Variants in NAV2 observed in about 807,000 individuals in gnomAD.
NAV2 encodes helicase, APC down-regulated 1.
In NAV2, 54 loss-of-function variants were observed where a neutral mutation model predicts 223.2. The ratio of observed to expected loss-of-function variants is 0.24; its 90% CI spans 0.19 to 0.30. The LOEUF (loss-of-function observed/expected upper bound fraction) is 0.30. Ranked by LOEUF, NAV2 falls within the 10% of genes least tolerant of loss-of-function variation. NAV2 has a pLI of 1.00. For missense variants in NAV2, 2,806 were observed against 3,147.5 expected (o/e 0.89, Z 2.60); for synonymous variants, 1,279 against 1,239.3 (o/e 1.03, Z -0.67).
rs569886576 is a variant in NAV2 at position 19,605,106 on chromosome 11, G to T, written c.76-227378G>T. On this transcript the variant is annotated intron_variant, in intron 1 of 37. Transcript: ENST00000360655. ...TCCAGTTGGTGAATTGCAGAGCTAGGATTGAGCCCACACAGCCTTTGTCCA... is the reference window on the plus strand; with the variant it reads ...TCCAGTTGGTGAATTGCAGAGCTAGTATTGAGCCCACACAGCCTTTGTCCA... Among the ~76,000 whole-genome samples, 3 of 152,302 alleles carry T rather than the reference G, an allele frequency of 2.0e-5. No homozygotes were observed. In the South Asian group the frequency reaches 6.2e-4, roughly 32 times the overall value.
At chr11:19,372,499 A>G (rs1312660293) in intron 1 of NAV2, among the ~76,000 whole-genome samples, 1 of 152,144 alleles carries the variant, frequency 6.6e-6, no homozygotes, top group Non-Finnish European at 1.5e-5. Flanking sequence ...CAGTAAGACC[A>G]CTTTTCTAAC....
intron 1 of NAV2, among the ~76,000 whole-genome samples, chr11:19,378,934 G>A (rs900032010): frequency 5.3e-5 from 8 of 152,184 alleles, no homozygotes; most frequent in Admixed American, 4.6e-4. Flanking sequence ...AATTAAGTGT[G>A]TCAGCAGAGG....
intron 17 of NAV2, among the ~76,000 whole-genome samples, chr11:20,051,624 C>T (rs2058016590): frequency 6.6e-6 from 1 of 152,070 alleles, no homozygotes. Flanking sequence ...GCTTCTGGGG[C>T]CAATGGGTTT....
intron 1 of NAV2, among the ~76,000 whole-genome samples, chr11:19,673,540 T>G (rs2048626688): frequency 6.6e-6 from 1 of 152,220 alleles, no homozygotes; most frequent in African/African-American, 2.4e-5. Context: ...ATAACAAGTT[T>G]CCTTGGCACT....
At chr11:20,101,451 G>A (rs2061632373) in intron 32 of NAV2, among the ~76,000 whole-genome samples, 1 of 152,136 alleles carries the variant, frequency 6.6e-6, no homozygotes. Flanking sequence ...CGTACTGGGT[G>A]TTACTGATTT....
At chr11:19,446,363 C>A (rs1851582977) in intron 1 of NAV2, among the ~76,000 whole-genome samples, 1 of 152,108 alleles carries the variant, frequency 6.6e-6, no homozygotes, top group Non-Finnish European at 1.5e-5. Context: ...AATTTTGCAT[C>A]CTTTCTTCCT....
rs1849979226 is a variant in NAV2, at chr11:19,408,056, C to A, written c.75+57029C>A. Among the ~76,000 whole-genome samples, 3 of 152,208 alleles carry A rather than the reference C, an allele frequency of 2.0e-5. No individual in the cohort carries two copies. In the South Asian group the frequency reaches 6.2e-4, roughly 32 times the overall value. On this transcript the variant is annotated intron_variant, in intron 1 of 37. Transcript: ENST00000360655. Reference sequence around the variant, plus strand: ...ATTTCCCTATGAAAACAGCCCAGTGCCGTCAGTTCCCATCTGCCCCAATGC... The same window carrying A: ...ATTTCCCTATGAAAACAGCCCAGTGACGTCAGTTCCCATCTGCCCCAATGC...
At chr11:19,649,231 G>A (rs529604828) in intron 1 of NAV2, among the ~76,000 whole-genome samples, 35 of 152,302 alleles carry the variant, frequency 2.3e-4, no homozygotes, top group Middle Eastern at 3.4e-3. Flanking sequence ...ATAGAACAGT[G>A]CAATATTTGC....
chr11:19,558,570 T>G (rs2044983662), intron 1 of NAV2, among the ~76,000 whole-genome samples: 1 of 152,220 alleles, frequency 6.6e-6, no homozygotes, highest in Non-Finnish European at 1.5e-5. Flanking sequence ...GACTGGACAG[T>G]CAAACCACCT....
At chr11:19,799,119 A>T (rs967228263) in intron 1 of NAV2, among the ~76,000 whole-genome samples, 1 of 152,164 alleles carries the variant, frequency 6.6e-6, no homozygotes, top group African/African-American at 2.4e-5. Context: ...GAGTGGCATG[A>T]AGCAACTTCA....
chr11:19,349,038 T>G (rs1372065630), upstream of NAV2, among the ~76,000 whole-genome samples: 1 of 151,796 alleles, frequency 6.6e-6, no homozygotes, highest in African/African-American at 2.4e-5. Context: ...AAAAAGCGAG[T>G]ATCTACTTTT....
At chr11:19,537,137 T>G (rs1351567041) in intron 1 of NAV2, among the ~76,000 whole-genome samples, 11 of 152,160 alleles carry the variant, frequency 7.2e-5, no homozygotes, top group Admixed American at 6.5e-4. Context: ...TCTTCACTTG[T>G]GTTGAAAAAG....
chr11:19,858,363 T>A (rs2061505863), intron 3 of NAV2, among the ~76,000 whole-genome samples: 1 of 152,232 alleles, frequency 6.6e-6, no homozygotes, highest in South Asian at 2.1e-4. Context: ...TTCAGGCCCA[T>A]CCATGTTGTT....
intron 8 of NAV2, among the ~76,000 whole-genome samples, chr11:19,945,020 TTC>T (rs1173856972): frequency 1.3e-5 from 2 of 151,000 alleles, no homozygotes; most frequent in Non-Finnish European, 3.0e-5. Context: ...TCCTTTCCTT[TTC>T]TTTCTTCTTT....
At chr11:19,943,500 G>C (rs923022875) in intron 8 of NAV2, among the ~76,000 whole-genome samples, 1 of 152,072 alleles carries the variant, frequency 6.6e-6, no homozygotes, top group African/African-American at 2.4e-5. Flanking sequence ...GAAATCATGG[G>C]TATATCATTT....
intron 1 of NAV2, among the ~76,000 whole-genome samples, chr11:19,564,470 G>A (rs1590541394): frequency 6.6e-6 from 1 of 152,232 alleles, no homozygotes; most frequent in Admixed American, 6.5e-5. Flanking sequence ...CACCCAGTCG[G>A]GCTCTGGCAG....
At chr11:19,666,071 C>T (rs996617324) in intron 1 of NAV2, among the ~76,000 whole-genome samples, 34 of 152,136 alleles carry the variant, frequency 2.2e-4, no homozygotes, top group African/African-American at 8.2e-4. Context: ...TTATAAATCC[C>T]TTCTACAAGT....
intron 1 of NAV2, among the ~76,000 whole-genome samples, chr11:19,622,211 G>T (rs1021231712): frequency 6.6e-5 from 10 of 152,218 alleles, no homozygotes; most frequent in African/African-American, 2.4e-4. Flanking sequence ...GTGATGTGGT[G>T]CTGAGAAGAA....
chr11:19,508,600 C>G (rs1410898510), intron 1 of NAV2, among the ~76,000 whole-genome samples: 1 of 152,166 alleles, frequency 6.6e-6, no homozygotes, highest in Admixed American at 6.5e-5. Context: ...TTCAGGGAAG[C>G]CTTCCCTGAT....
Sources: allele counts gnomAD v4.1 joint callset (sites outside exome capture counted in the v4.1 genomes callset), GRCh38; gene constraint gnomAD v4.1.1; transcripts MANE v1.5; gene names NCBI Gene and HGNC (gene_info 2026-07-23, HGNC 2026-07-21).